The following PPFIBP2 variants were observed in gnomAD, a reference collection of about 807,000 sequenced individuals.
PPFIBP2 encodes the protein PPFIB scaffold protein 2.
Under a neutral mutation model 118.3 loss-of-function variants are expected in PPFIBP2, and 118 were observed. The ratio of observed to expected loss-of-function variants is 1.00; its 90% CI spans 0.86 to 1.16. PPFIBP2 has a LOEUF of 1.16. Among genes scored for constraint, PPFIBP2 ranks in the 50% most tolerant of loss-of-function variants. PPFIBP2 has a pLI of 0.00. For synonymous variants in PPFIBP2, 414 were observed against 397.4 expected (o/e 1.04, Z -0.50); for missense variants, 1,195 against 1,073.1 (o/e 1.11, Z -1.59).
chr11:7,529,977 G>A (rs539001830), intron 1 of PPFIBP2, among the ~76,000 whole-genome samples: 3 of 152,296 alleles, frequency 2.0e-5, no homozygotes, highest in African/African-American at 7.2e-5. Context: ...TGTATCCCAG[G>A]GTCTGCCACT....
At chr11:7,639,950 T>C in intron 15 of PPFIBP2, 80 bp downstream of exon 15, 1 of 1,510,374 alleles carries the variant, frequency 6.6e-7, no homozygotes, top group Non-Finnish European at 8.8e-7. Flanking sequence ...TCCCTGCACC[T>C]ACCACCACAA....
intron 9 of PPFIBP2, 92 bp downstream of exon 9, chr11:7,628,438 C>T (rs1372790943): frequency 3.5e-6 from 4 of 1,135,814 alleles, no homozygotes; most frequent in Non-Finnish European, 5.1e-6. Flanking sequence ...TGGACAGGAC[C>T]ATGCTTATCA....
intron 5 of PPFIBP2, among the ~76,000 whole-genome samples, chr11:7,603,794 T>A (rs1846971069): frequency 6.6e-6 from 1 of 152,192 alleles, no homozygotes; most frequent in Non-Finnish European, 1.5e-5. Flanking sequence ...GTCCATTGAT[T>A]TTTTTTCTAA....
intron 20 of PPFIBP2, 106 bp downstream of exon 20, chr11:7,649,341 G>A (rs553194147): frequency 1.6e-6 from 2 of 1,274,052 alleles, no homozygotes; most frequent in African/African-American, 3.0e-5. Flanking sequence ...TTAAGGCCTT[G>A]AAATAGTATC....
At chr11:7,544,684 G>T (rs1852134231) in intron 1 of PPFIBP2, among the ~76,000 whole-genome samples, 1 of 149,246 alleles carries the variant, frequency 6.7e-6, no homozygotes, top group Non-Finnish European at 1.5e-5. Flanking sequence ...TGAGTGAGGA[G>T]AATGGCATGA....
In PPFIBP2 at chr11:7,600,462, C is replaced by A. The variant is rs78711666; in HGVS notation, c.486+2789C>A. 2.4e-3 allele frequency among the ~76,000 whole-genome samples: 367 copies of A among 152,342 alleles called. 2 individuals carry two copies. The highest frequency in any genetic ancestry group is 8.3e-3 in the African/African-American group (347 of 41,576). ...TGAGCTAGGGACAGGCAAACACTTG[C>A]CTGATTTGACTGAGATATCCTGGGC... On this transcript the variant is annotated intron_variant, in intron 5 of 23. Transcript: ENST00000299492.
chr11:7,560,876 A>G (rs1233886302), intron 2 of PPFIBP2, among the ~76,000 whole-genome samples: 2 of 152,248 alleles, frequency 1.3e-5, no homozygotes, highest in African/African-American at 4.8e-5. Flanking sequence ...TGTTCTATTT[A>G]CCAATGCAAA....
At chr11:7,597,708 G>C (rs748409270) in intron 5 of PPFIBP2, 35 bp downstream of exon 5, 1 of 1,539,628 alleles carries the variant, frequency 6.5e-7, no homozygotes, top group Non-Finnish European at 9.0e-7. Flanking sequence ...CTTGGGTGCC[G>C]AAGCAGCTCA....
chr11:7,577,332 T>TGTGTGTGTGTGC (rs71059111), intron 3 of PPFIBP2: 129 of 243,640 alleles, frequency 5.3e-4, no homozygotes, highest in East Asian at 8.5e-4. Context: ...TGTGTGTGTG[T>TGTGTGTGTGTGC]GTGTGTGTGT....
At chr11:7,637,337 T>C (rs1361033463) in intron 14 of PPFIBP2, among the ~76,000 whole-genome samples, 1 of 152,240 alleles carries the variant, frequency 6.6e-6, no homozygotes, top group African/African-American at 2.4e-5. Context: ...TCTAGATTGC[T>C]ATTTCTTTAG....
chr11:7,637,241 C>A (rs1851568109), intron 14 of PPFIBP2, among the ~76,000 whole-genome samples: 1 of 152,204 alleles, frequency 6.6e-6, no homozygotes, highest in African/African-American at 2.4e-5. Flanking sequence ...TCAATGTATT[C>A]TTCAAGTTCT....
chr11:7,656,982 C>A, downstream of PPFIBP2: 3 of 380,598 alleles, frequency 7.9e-6, no homozygotes, highest in South Asian at 5.9e-5. Flanking sequence ...CCCCAGGGTC[C>A]ATGTGTGTCT....
chr11:7,583,879 T>C (rs1590369374), intron 3 of PPFIBP2, among the ~76,000 whole-genome samples: 2 of 152,218 alleles, frequency 1.3e-5, no homozygotes, highest in African/African-American at 4.8e-5. Context: ...CATGTCTGTA[T>C]TGGGAAGGCT....
chr11:7,632,969 G>A (rs757944573), intron 12 of PPFIBP2, 35 bp downstream of exon 12: 3 of 1,590,106 alleles, frequency 1.9e-6, no homozygotes, highest in South Asian at 1.1e-5. Context: ...CAGCCACTGT[G>A]CTCTCAGGCT....
At chr11:7,594,619 T>G (rs1351604280) in intron 4 of PPFIBP2, among the ~76,000 whole-genome samples, 2 of 151,308 alleles carry the variant, frequency 1.3e-5, no homozygotes, top group Admixed American at 1.3e-4. Context: ...CTGTCTCTAC[T>G]GAAAATACAA....
At chr11:7,523,737 G>A (rs142373463) in intron 1 of PPFIBP2, among the ~76,000 whole-genome samples, 92 of 152,312 alleles carry the variant, frequency 6.0e-4, no homozygotes, top group Non-Finnish European at 1.1e-3. Context: ...CCTCTTCCCA[G>A]GCTTATGGTC....
intron 2 of PPFIBP2, among the ~76,000 whole-genome samples, chr11:7,564,939 C>G (rs1854785175): frequency 6.6e-6 from 1 of 152,206 alleles, no homozygotes; most frequent in Admixed American, 6.5e-5. Context: ...AGATCCATCC[C>G]TTTATCAGAG....
intron 2 of PPFIBP2, among the ~76,000 whole-genome samples, chr11:7,562,968 T>TACAC (rs1382262708): frequency 5.0e-5 from 5 of 99,516 alleles, no homozygotes; most frequent in African/African-American, 2.0e-4. Context: ...TATATATATA[T>TACAC]ATATATATAC....
In PPFIBP2 at chr11:7,565,752, G is replaced by A. The variant is rs753884044; in HGVS notation, c.264G>A (p.Trp88Ter). ...CAACAGCTGCCTACATAAAGGAATG[G>A]TTTGAAGAGAGCTTGGTGAGTAGTC... is the stretch of plus-strand genomic sequence containing the variant. ...PGPTAAYIKEWFEESLSQVNH... is the reference protein window; with the variant it reads ...PGPTAAYIKE Residue 88 changes from tryptophan to a stop codon, truncating the protein, a stop_gained, in exon 3 of 24, where the codon TGG becomes TGA. Transcript: ENST00000299492. LOFTEE classifies it high-confidence loss of function. 6.8e-6 allele frequency: 11 copies of A among 1,614,026 alleles called. No homozygotes were observed. Among genetic ancestry groups the A allele is most frequent in the African/African-American group, 1.3e-5 (1 of 74,920 alleles).
Sources: gnomAD v4.1 joint callset for allele counts (sites outside exome capture counted in the v4.1 genomes callset) on GRCh38, gnomAD v4.1.1 for gene constraint, MANE v1.5 for transcripts, NCBI Gene and HGNC (gene_info 2026-07-23, HGNC 2026-07-21) for gene names.